CCDC14: variants seen among roughly 807,000 people sequenced by gnomAD.
CCDC14 encodes the protein coiled-coil domain containing 14.
Under a neutral mutation model 81.4 loss-of-function variants are expected in CCDC14, and 71 were observed. The ratio of observed to expected loss-of-function variants is 0.87; its 90% CI spans 0.72 to 1.06. The LOEUF (loss-of-function observed/expected upper bound fraction) is 1.06. CCDC14 is among the 50% of genes least tolerant of loss of function. The pLI, the probability that CCDC14 is intolerant of heterozygous loss-of-function variation, is 0.00. For synonymous variants in CCDC14, 332 were observed against 364.8 expected (o/e 0.91, Z 1.03); for missense variants, 1,046 against 1,047.3 (o/e 1.00, Z 0.02).
downstream of CCDC14, chr3:123,897,341 T>A (rs2034080624): frequency 6.5e-6 from 1 of 154,824 alleles, no homozygotes; most frequent in Admixed American, 6.4e-5. Context: ...TCACTTATTA[T>A]AATAATTCTA....
chr3:123,956,531 G>T, intron 2 of CCDC14, 104 bp from the exon 3 acceptor site: 1 of 849,174 alleles, frequency 1.2e-6, no homozygotes, highest in Non-Finnish European at 1.8e-6. Flanking sequence ...GTCCAACCAT[G>T]TACAAGATGA....
chr3:123,910,518 C>G (rs867916243), downstream of CCDC14, among the ~76,000 whole-genome samples: 1 of 151,882 alleles, frequency 6.6e-6, no homozygotes, highest in African/African-American at 2.4e-5. Context: ...TCATCCCTCC[C>G]AAAAACTGGT....
intron 8 of CCDC14, among the ~76,000 whole-genome samples, chr3:123,945,261 G>A (rs1443773980): frequency 6.7e-6 from 1 of 149,558 alleles, no homozygotes; most frequent in Non-Finnish European, 1.5e-5. Flanking sequence ...TTTTTTTTCA[G>A]TTCAAGAGTC....
At chr3:123,917,605 C>T (rs1434416627) in intron 12 of CCDC14, among the ~76,000 whole-genome samples, 1 of 151,360 alleles carries the variant, frequency 6.6e-6, no homozygotes, top group African/African-American at 2.4e-5. Flanking sequence ...AATAAGCATG[C>T]TTTAAGAGTT....
intron 9 of CCDC14, among the ~76,000 whole-genome samples, chr3:123,935,501 C>G (rs2036005683): frequency 6.6e-6 from 1 of 152,070 alleles, no homozygotes; most frequent in African/African-American, 2.4e-5. Context: ...TTTAATAGTG[C>G]CAAGTTGGAA....
At chr3:123,887,356 G>C in the CCDC14 span, among the ~76,000 whole-genome samples, 1 of 152,086 alleles carries the variant, frequency 6.6e-6, no homozygotes, top group African/African-American at 2.4e-5. Context: ...CTCATGGAAA[G>C]AATATGCTCT....
At chr3:123,945,271 C>T (rs2036564012) in intron 8 of CCDC14, among the ~76,000 whole-genome samples, 1 of 151,248 alleles carries the variant, frequency 6.6e-6, no homozygotes, top group African/African-American at 2.4e-5. Context: ...GTTCAAGAGT[C>T]AAGTAGGAAT....
intron 5 of CCDC14, among the ~76,000 whole-genome samples, chr3:123,898,098 G>A (rs968942941): frequency 6.6e-6 from 1 of 152,110 alleles, no homozygotes; most frequent in African/African-American, 2.4e-5. Context: ...TTGTGTGGAG[G>A]GACTATAGTT....
chr3:123,952,534 A>G (rs746977599), intron 5 of CCDC14: 61 of 502,854 alleles, frequency 1.2e-4, no homozygotes, highest in Non-Finnish European at 1.1e-4. Flanking sequence ...AATAAGCTCA[A>G]TACAATTCTG....
At chr3:123,900,840 A>C (rs2148758086) in intron 5 of CCDC14, among the ~76,000 whole-genome samples, 1 of 152,294 alleles carries the variant, frequency 6.6e-6, no homozygotes, top group African/African-American at 2.4e-5. Context: ...TTCCAATTAG[A>C]ATTTCAACAG....
intron 5 of CCDC14, among the ~76,000 whole-genome samples, chr3:123,905,959 T>C (rs2034298049): frequency 6.6e-6 from 1 of 152,144 alleles, no homozygotes; most frequent in African/African-American, 2.4e-5. Flanking sequence ...ATGAATAATA[T>C]AACAGTTGAA....
At chr3:123,952,528 A>G in intron 5 of CCDC14, 1 of 474,580 alleles carries the variant, frequency 2.1e-6, no homozygotes, top group Non-Finnish European at 4.6e-6. Context: ...CTCTCAAATA[A>G]GCTCAATACA....
the CCDC14 span, among the ~76,000 whole-genome samples, chr3:123,888,238 A>G: frequency 1.3e-5 from 2 of 152,148 alleles, no homozygotes; most frequent in East Asian, 3.8e-4. Context: ...TCTGGAGGTT[A>G]TTATGATCTT....
At position 123,931,304 on chromosome 3, in the gene CCDC14, G is replaced by A. The variant is rs752775765; in HGVS notation, c.1645+4C>T. 3.6e-5 allele frequency: 55 copies of A among 1,548,218 alleles called. No individual in the cohort carries two copies. The highest frequency in any genetic ancestry group is 2.3e-4 in the Admixed American group (12 of 51,258). ...GTGACCATAACTACTGTCTAAATAC[G>A]TACCAATTTTTATTCTTGTTATCTC... On this transcript the variant is annotated splice_donor_region_variant and intron_variant, in intron 11 of 12. Transcript: ENST00000409697.
chr3:123,894,432 T>A (rs2034030983), downstream of CCDC14, among the ~76,000 whole-genome samples: 1 of 152,220 alleles, frequency 6.6e-6, no homozygotes, highest in Admixed American at 6.5e-5. Flanking sequence ...TTGTTTTAGC[T>A]ATTGGGGGCT....
At position 123,915,143 on chromosome 3, in the gene CCDC14, G is replaced by C. The variant is rs147561384; in HGVS notation, c.2354C>G (p.Ser785Cys). 8.7e-6 allele frequency: 14 copies of C among 1,613,772 alleles called. No individual in the cohort carries two copies. In the African/African-American group the frequency reaches 1.3e-4, roughly 15 times the overall value. Residue 785 changes from serine to cysteine, a missense_variant, in exon 13 of 13, where the codon TCT (serine) becomes TGT (cysteine). By Grantham distance (112) the Ser-to-Cys change is moderately radical (BLOSUM62 -1). Coordinates refer to ENST00000409697, the MANE Select transcript of CCDC14 (RefSeq NM_001366335.1). ...NKLCTPVICS[S>C]STKEAEDAPE... ...TGCATCTTCTGCTTCCTTTGTTGAAGAGGAACAGATTACAGGTGTACACAG... is the reference window on the plus strand; with the variant it reads ...TGCATCTTCTGCTTCCTTTGTTGAACAGGAACAGATTACAGGTGTACACAG...
In CCDC14 at chr3:123,957,955, TTTCTA is replaced by T. The variant is rs1286700270; in HGVS notation, c.31-1165_31-1161del. 4 of 152,108 alleles carry T rather than the reference TTTCTA, an allele frequency of 2.6e-5. 1 individual carries two copies. Among genetic ancestry groups the T allele is most frequent in the African/African-American group, 9.6e-5 (4 of 41,456 alleles). The allele number at this position is 152,108 out of a possible 1,614,324, so 9.4% of individuals were successfully genotyped here. On this transcript the variant is annotated intron_variant, in intron 1 of 12. Transcript: ENST00000409697. ...TAGCTTTGAGCTGTAACTACCAAAC[TTTCTA>T]AAGTTATACGGCATTCTATTATATG... is the stretch of plus-strand genomic sequence containing the variant.
At chr3:123,906,345 A>AAAAT (rs558961459) in intron 5 of CCDC14, among the ~76,000 whole-genome samples, 112 of 151,228 alleles carry the variant, frequency 7.4e-4, no homozygotes, top group South Asian at 1.9e-3. Context: ...ATAAAAAATT[A>AAAAT]AAATAAATAA....
In CCDC14 at chr3:123,914,790, G is replaced by C; in HGVS notation, c.2707C>G (p.Leu903Val). The change falls in exon 13 of 13, where the codon CTG becomes GTG. Residue 903 changes from leucine to valine, a missense_variant. Physicochemically the swap from Leu to Val is conservative, Grantham distance 32. Transcript: ENST00000409697. ...RLQKSLRTGLLEK is the reference protein window; with the variant it reads ...RLQKSLRTGLVEK ...GTTTTCTTCTGAATTCATTTCTCCA[G>C]AAGACCAGTCCTTAAAGACTTCTGG... is the stretch of plus-strand genomic sequence containing the variant. The C allele has an allele frequency of 1.3e-6, 2 of 1,531,482 alleles. No homozygotes were observed. The highest frequency in any genetic ancestry group is 2.5e-5 in the South Asian group (2 of 80,056). 94.9% of individuals were successfully genotyped at this position (1,531,482 alleles called of 1,614,324 possible).
Sources: gnomAD v4.1 joint callset for allele counts (sites outside exome capture counted in the v4.1 genomes callset) on GRCh38, gnomAD v4.1.1 for gene constraint, MANE v1.5 for transcripts, NCBI Gene and HGNC (gene_info 2026-07-23, HGNC 2026-07-21) for gene names.